The following TAF1 variants were observed in gnomAD, a reference collection of about 807,000 sequenced individuals.
TAF1 encodes the protein transcription initiation factor TFIID subunit 1.
Under a neutral mutation model 138.5 loss-of-function variants are expected in TAF1, and 2 were observed. The ratio of observed to expected loss-of-function variants is 0.01; its 90% CI spans 0.01 to 0.05. The LOEUF (loss-of-function observed/expected upper bound fraction) is 0.05, where lower values mean the gene tolerates loss of function less well. TAF1 is among the 10% of genes least tolerant of loss of function. The probability of loss-of-function intolerance (pLI) is 1.00; values close to 1 mark genes in which losing one functional copy is unlikely to be tolerated. For synonymous variants in TAF1, 437 were observed against 503.2 expected (o/e 0.87, Z 1.76); for missense variants, 709 against 1,478.0 (o/e 0.48, Z 8.53).
At chrX:71,450,686 G>C (rs1244694149) in intron 32 of TAF1, among the ~76,000 whole-genome samples, 1 of 111,687 alleles carries the variant, frequency 9.0e-6, no homozygotes, top group Non-Finnish European at 1.9e-5. Context: ...CTATTTCACT[G>C]TACTAGACTA....
At chrX:71,502,951 AAAG>A (rs2039537864) in intron 13 of TAF1, among the ~76,000 whole-genome samples, 1 of 109,561 alleles carries the variant, frequency 9.1e-6, no homozygotes, top group Non-Finnish European at 1.9e-5. Flanking sequence ...AAGAAAAAAA[AAAG>A]AAAAACAAAA....
intron 32 of TAF1, 92 bp downstream of exon 32, chrX:71,424,330 A>G (rs1336443928): frequency 2.8e-6 from 2 of 719,086 alleles, no homozygotes; most frequent in African/African-American, 2.2e-5. Flanking sequence ...TTTTTTTGAG[A>G]CAGGATCTTG....
chrX:71,514,777 A>G (rs1343547606), intron 13 of TAF1, among the ~76,000 whole-genome samples: 2 of 111,905 alleles, frequency 1.8e-5, no homozygotes, highest in Non-Finnish European at 3.8e-5. Flanking sequence ...CTTTACTTAA[A>G]AAGAGGAGAG....
chrX:71,512,512 G>A (rs1206689814), intron 13 of TAF1, among the ~76,000 whole-genome samples: 1 of 111,102 alleles, frequency 9.0e-6, no homozygotes, highest in Non-Finnish European at 1.9e-5. Flanking sequence ...AATAGGAATG[G>A]TCAGAAGTAC....
intron 14 of TAF1, among the ~76,000 whole-genome samples, chrX:71,385,501 G>A (rs1396165897): frequency 1.4e-4 from 16 of 110,671 alleles, no homozygotes; most frequent in Non-Finnish European, 3.0e-4. Context: ...TTGTTCTAAT[G>A]GGTGTAAAGA....
intron 25 of TAF1, 85 bp downstream of exon 25, chrX:71,401,824 T>C: frequency 2.2e-6 from 2 of 917,205 alleles, no homozygotes; most frequent in Non-Finnish European, 3.1e-6. Flanking sequence ...AGATGTGATG[T>C]GTTCTCTGAA....
intron 8 of TAF1, among the ~76,000 whole-genome samples, chrX:71,379,476 A>T (rs1332714245): frequency 9.1e-6 from 1 of 109,314 alleles, no homozygotes; most frequent in Non-Finnish European, 1.9e-5. Context: ...GCCTAATTCT[A>T]GTCCCTGTAA....
At chrX:71,401,890 A>G (rs1215908259) in intron 25 of TAF1, 151 bp downstream of exon 25, 2 of 548,807 alleles carry the variant, frequency 3.6e-6, no homozygotes, top group Non-Finnish European at 5.9e-6. Context: ...TGTTGCCAGT[A>G]ATGAAAATTA....
chrX:71,459,539 T>C lies in TAF1; in HGVS notation c.5065-13T>C. 8.3e-7 allele frequency: 1 copy of C among 1,209,863 alleles called. No individual in the cohort carries two copies. The highest frequency in any genetic ancestry group is 2.2e-5 in the Admixed American group (1 of 45,927). ...AGTTGATAGGACTTTGACCCCCAACTGGTCTCATTCAGGAAGGTGAAGATG... is the reference window on the plus strand; with the variant it reads ...AGTTGATAGGACTTTGACCCCCAACCGGTCTCATTCAGGAAGGTGAAGATG... On this transcript the variant is annotated splice_polypyrimidine_tract_variant and intron_variant, in intron 35 of 37. Transcript: ENST00000423759.
At chrX:71,519,246 C>T (rs1198464898) in intron 13 of TAF1, among the ~76,000 whole-genome samples, 6 of 102,273 alleles carry the variant, frequency 5.9e-5, no homozygotes, top group Non-Finnish European at 9.9e-5. Flanking sequence ...GGCGTGAATC[C>T]GGGAGGCGGA....
chrX:71,488,680 T>C (rs2039218401), intron 13 of TAF1, among the ~76,000 whole-genome samples: 1 of 111,693 alleles, frequency 9.0e-6, no homozygotes, highest in Non-Finnish European at 1.9e-5. Context: ...TCTTTCTTCT[T>C]AGCTCAGAGA....
At chrX:71,490,260 G>A in intron 13 of TAF1, among the ~76,000 whole-genome samples, 1 of 111,761 alleles carries the variant, frequency 8.9e-6, no homozygotes, top group Non-Finnish European at 1.9e-5. Context: ...CCTTGATCTT[G>A]GACTTCCCAG....
intron 24 of TAF1, among the ~76,000 whole-genome samples, chrX:71,400,752 TTATAAAC>T (rs1317433413): frequency 1.8e-5 from 2 of 112,558 alleles, no homozygotes; most frequent in South Asian, 3.7e-4. Context: ...GGGAAGCACT[TTATAAAC>T]TATAAAATAT....
intron 13 of TAF1, among the ~76,000 whole-genome samples, chrX:71,486,522 C>CTT (rs750926740): frequency 5.2e-5 from 5 of 95,333 alleles, no homozygotes; most frequent in Admixed American, 1.2e-4. Context: ...GCCTGGCTAT[C>CTT]TTTTTTTTTT....
chrX:71,385,198 A>G (rs922744386), intron 14 of TAF1, 149 bp downstream of exon 14: 19 of 452,799 alleles, frequency 4.2e-5, no homozygotes, highest in Non-Finnish European at 6.9e-5. Flanking sequence ...AAAATGTTTT[A>G]AAGAAATCTT....
Position 71,407,514 on chromosome X carries a change from G to A in TAF1, c.4108-60G>A, listed in dbSNP as rs778229139. On this transcript the variant is annotated intron_variant, in intron 26 of 37. Coordinates refer to ENST00000423759, the MANE Select transcript of TAF1 (RefSeq NM_004606.5). The stretch of plus-strand genomic sequence containing the variant: ...ATTACAGGTGTGAGCTACTGTGCCT[G>A]GACAGAATGTGGATTTTTTTTGGTC... 7.3e-5 allele frequency: 79 copies of A among 1,075,465 alleles called. No homozygotes were observed. In the East Asian group the frequency reaches 1.8e-3, roughly 24 times the overall value. 88.6% of individuals were successfully genotyped at this position (1,075,465 alleles called of 1,213,427 possible). A position where few individuals can be genotyped will look rare whatever the true frequency, so the allele number is the denominator to read the frequency against.
intron 13 of TAF1, among the ~76,000 whole-genome samples, chrX:71,496,239 A>G (rs748755079): frequency 8.9e-6 from 1 of 112,023 alleles, no homozygotes; most frequent in Non-Finnish European, 1.9e-5. Context: ...TTTGTGTGGT[A>G]ATTAATTAAG....
At chrX:71,495,229 C>T (rs975776202) in intron 13 of TAF1, among the ~76,000 whole-genome samples, 1 of 111,896 alleles carries the variant, frequency 8.9e-6, no homozygotes, top group African/African-American at 3.2e-5. Context: ...AAAGGGCCAG[C>T]AGGTTGGTCC....
intron 32 of TAF1, among the ~76,000 whole-genome samples, chrX:71,431,100 C>T (rs1458732572): frequency 4.0e-5 from 4 of 99,259 alleles, no homozygotes; most frequent in African/African-American, 7.5e-5. Flanking sequence ...TGGCAACCTT[C>T]GCCGCCCAGG....
Sources: gnomAD v4.1 joint callset for allele counts (sites outside exome capture counted in the v4.1 genomes callset) on GRCh38, gnomAD v4.1.1 for gene constraint, MANE v1.5 for transcripts, NCBI Gene and HGNC (gene_info 2026-07-23, HGNC 2026-07-21) for gene names.